Variants in ATG7 observed in about 807,000 individuals in gnomAD.
The protein encoded by ATG7 is autophagy related 7.
A neutral mutation model predicts 82.4 loss-of-function variants in ATG7; 70 were observed. That is an observed-to-expected ratio of 0.85 (90% CI 0.70 to 1.04). The LOEUF is 1.04. Ranked by LOEUF, ATG7 falls within the 50% of genes least tolerant of loss-of-function variation. The pLI, the probability that ATG7 is intolerant of heterozygous loss-of-function variation, is 0.00. For missense variants in ATG7, 792 were observed against 864.3 expected, an observed-to-expected ratio of 0.92 and a Z score of 1.05; for synonymous variants, 287 against 313.0, an observed-to-expected ratio of 0.92 and a Z score of 0.88.
chr3:11,374,892 CAAAAAAAAAAAAAA>C (rs55855960), intron 18 of ATG7, among the ~76,000 whole-genome samples: 4 of 73,516 alleles, frequency 5.4e-5, no homozygotes, highest in African/African-American at 1.2e-4. Flanking sequence ...CAACAGAGCT[CAAAAAAAAAAAAAA>C]AAAAAAAAAA....
intron 10 of ATG7, 59 bp from the exon 11 acceptor site, chr3:11,332,913 T>C: frequency 7.2e-7 from 1 of 1,384,422 alleles, no homozygotes; most frequent in East Asian, 2.8e-5. Context: ...TGTGAGCTTT[T>C]TCTTTTCCTT....
chr3:11,426,080 T>C (rs2152941542), intron 19 of ATG7, among the ~76,000 whole-genome samples: 1 of 152,320 alleles, frequency 6.6e-6, no homozygotes, highest in South Asian at 2.1e-4. Context: ...GTGGACACTT[T>C]TGTTTGTGTC....
In ATG7 at chr3:11,331,420, C is replaced by T. The variant is rs79941725; in HGVS notation, c.759C>T (p.Ala253=). The change falls in exon 10 of 21, where the codon GCC becomes GCT. Residue 253 remains alanine, a synonymous_variant. Coordinates refer to ENST00000693202, the MANE Select transcript of ATG7 (RefSeq NM_001349232.2). The part of the protein sequence containing the change: ...WPLRNFLVLA[A]HRWSSSFQSV... Reference sequence around the variant, plus strand: ...TGAGGAATTTTTTGGTCCTAGCAGCCCACAGATGGTATTTACAAGAGTGTG... The same window carrying T: ...TGAGGAATTTTTTGGTCCTAGCAGCTCACAGATGGTATTTACAAGAGTGTG... 1,228 of 1,600,652 alleles carry T rather than the reference C, an allele frequency of 7.7e-4. 16 individuals are homozygous for T. The East Asian group carries it at 0.023, about 29-fold the overall frequency.
intron 5 of ATG7, among the ~76,000 whole-genome samples, chr3:11,301,293 A>C (rs1946750809): frequency 6.6e-6 from 1 of 152,194 alleles, no homozygotes; most frequent in Non-Finnish European, 1.5e-5. Flanking sequence ...ATTATTGAGA[A>C]TTGAAAAAGG....
chr3:11,511,924 C>T (rs1575136072), intron 20 of ATG7, among the ~76,000 whole-genome samples: 1 of 152,194 alleles, frequency 6.6e-6, no homozygotes, highest in African/African-American at 2.4e-5. Context: ...CCACCCAGAA[C>T]TCCAGCTGGC....
At chr3:11,496,009 G>A (rs2090803414) in intron 20 of ATG7, among the ~76,000 whole-genome samples, 4 of 152,186 alleles carry the variant, frequency 2.6e-5, no homozygotes, top group African/African-American at 4.8e-5. Flanking sequence ...GCCCTATGAC[G>A]TAAGTAAATT....
chr3:11,370,771 A>G (rs998900706), intron 18 of ATG7, among the ~76,000 whole-genome samples: 3 of 151,414 alleles, frequency 2.0e-5, no homozygotes, highest in Non-Finnish European at 4.4e-5. Flanking sequence ...TTTGTGGCCA[A>G]CTGGGCATAA....
intron 19 of ATG7, among the ~76,000 whole-genome samples, chr3:11,390,758 GCAA>G (rs59736174): frequency 0.74 from 111,834 of 151,744 alleles, 42,884 homozygotes; most frequent in East Asian, 0.91. Context: ...TTAAAAAACT[GCAA>G]GTTAAAGTAC....
intron 9 of ATG7, 36 bp from the exon 10 acceptor site, chr3:11,331,304 T>A (rs754819364): frequency 1.3e-6 from 2 of 1,483,152 alleles, no homozygotes; most frequent in African/African-American, 2.8e-5. Context: ...GCTGACATGA[T>A]ACTCGACTTA....
intron 20 of ATG7, among the ~76,000 whole-genome samples, chr3:11,472,721 A>G (rs959882329): frequency 6.6e-6 from 1 of 151,888 alleles, no homozygotes; most frequent in African/African-American, 2.4e-5. Context: ...GTAAATGCCT[A>G]CCTCCCAGGA....
chr3:11,326,854 GC>G (rs1268581376), intron 9 of ATG7, among the ~76,000 whole-genome samples: 2 of 152,170 alleles, frequency 1.3e-5, no homozygotes, highest in African/African-American at 4.8e-5. Flanking sequence ...CTCATCCGAA[GC>G]CCTCTTTTTT....
intron 20 of ATG7, among the ~76,000 whole-genome samples, chr3:11,488,987 C>T (rs36128181): frequency 0.22 from 33,502 of 151,858 alleles, 4,153 homozygotes; most frequent in South Asian, 0.35. Flanking sequence ...GGTACCAGTT[C>T]CTCCTTGTAC....
chr3:11,533,766 C>T (rs1392435017), intron 20 of ATG7, among the ~76,000 whole-genome samples: 1 of 151,942 alleles, frequency 6.6e-6, no homozygotes, highest in Non-Finnish European at 1.5e-5. Context: ...AACTTAGCAC[C>T]TCATATTTAT....
At chr3:11,412,814 G>GGGT (rs2081036000) in intron 19 of ATG7, among the ~76,000 whole-genome samples, 1 of 151,850 alleles carries the variant, frequency 6.6e-6, no homozygotes, top group Non-Finnish European at 1.5e-5. Flanking sequence ...CATGAATATG[G>GGGT]GGTGTGTTTC....
chr3:11,278,034 T>C (rs1447707592), intron 1 of ATG7, among the ~76,000 whole-genome samples: 1 of 152,168 alleles, frequency 6.6e-6, no homozygotes, highest in Non-Finnish European at 1.5e-5. Flanking sequence ...ATGGCTGTAT[T>C]CTGCCTGACC....
chr3:11,319,946 C>T (rs1344091937), intron 9 of ATG7, among the ~76,000 whole-genome samples: 1 of 152,192 alleles, frequency 6.6e-6, no homozygotes, highest in African/African-American at 2.4e-5. Context: ...CTTAGAAAAG[C>T]AGATCTGATC....
intron 18 of ATG7, among the ~76,000 whole-genome samples, chr3:11,373,895 G>T (rs1380192166): frequency 2.0e-5 from 3 of 152,166 alleles, no homozygotes; most frequent in African/African-American, 7.2e-5. Context: ...TGTGGTTTGT[G>T]TGGGACCTAT....
chr3:11,287,528 G>A (rs1407744447), intron 3 of ATG7, among the ~76,000 whole-genome samples: 6 of 152,212 alleles, frequency 3.9e-5, no homozygotes, highest in African/African-American at 2.4e-5. Flanking sequence ...AGGCAGCAGC[G>A]GCGGTCTGGG....
At chr3:11,468,872 A>T (rs962863430) in intron 20 of ATG7, among the ~76,000 whole-genome samples, 1 of 152,174 alleles carries the variant, frequency 6.6e-6, no homozygotes, top group African/African-American at 2.4e-5. Context: ...CCCTGAGTGG[A>T]CCTAATGTAT....
Sources: allele counts gnomAD v4.1 joint callset (sites outside exome capture counted in the v4.1 genomes callset), GRCh38; gene constraint gnomAD v4.1.1; transcripts MANE v1.5; gene names NCBI Gene and HGNC (gene_info 2026-07-23, HGNC 2026-07-21).